Variants in ANGPT1 observed in about 807,000 individuals in gnomAD.
ANGPT1 encodes angiopoietin 1.
In ANGPT1, 17 loss-of-function variants were observed where a neutral mutation model predicts 62.2. The observed-to-expected ratio is 0.27, with a 90% CI of 0.19 to 0.41. The LOEUF is 0.41. Ranked by LOEUF, ANGPT1 falls within the 10% of genes least tolerant of loss-of-function variation. The pLI is 1.00. For synonymous variants in ANGPT1, 199 were observed against 198.9 expected (o/e 1.00, Z 0.00); for missense variants, 478 against 594.9 (o/e 0.80, Z 2.04).
In ANGPT1 at chr8:107,456,078, C is replaced by CA. The variant is rs555084679; in HGVS notation, c.297+41183dup. 3.9e-5 allele frequency among the ~76,000 whole-genome samples: 6 copies of CA among 152,120 alleles called. 1 individual carries two copies. The highest frequency in any genetic ancestry group is 1.4e-4 in the African/African-American group (6 of 41,546). On this transcript the variant is annotated intron_variant, in intron 1 of 8. Coordinates refer to ENST00000517746, the MANE Select transcript of ANGPT1 (RefSeq NM_001146.5). ...GAGAGCAACATGATTGTATTAATAA[C>CA]AAAGTTTATTGTGTATTTCTTTCAA... is the stretch of plus-strand genomic sequence containing the variant.
chr8:107,481,781 T>C (rs1441900296), intron 1 of ANGPT1, among the ~76,000 whole-genome samples: 1 of 152,028 alleles, frequency 6.6e-6, no homozygotes, highest in Non-Finnish European at 1.5e-5. Flanking sequence ...GGAAGCCCCT[T>C]ATAAAACCAT....
Position 107,293,926 on chromosome 8 carries a change from TG to T in ANGPT1, c.1038+9del. Reference sequence around the variant, plus strand: ...AACACCAAAAAGCACCATAAATTCTTGCATCTTACCATTTTATATTCCTTCC... The same window carrying T: ...AACACCAAAAAGCACCATAAATTCTTCATCTTACCATTTTATATTCCTTCC... On this transcript the variant is annotated intron_variant, in intron 6 of 8. Coordinates refer to ENST00000517746, the MANE Select transcript of ANGPT1 (RefSeq NM_001146.5). 1.2e-6 allele frequency: 2 copies of T among 1,604,858 alleles called. No homozygotes were observed. Among genetic ancestry groups the T allele is most frequent in the East Asian group, 4.5e-5 (2 of 44,696 alleles).
At chr8:107,323,745 G>GT (rs766623447) in intron 3 of ANGPT1, among the ~76,000 whole-genome samples, 156 of 152,056 alleles carry the variant, frequency 1.0e-3, no homozygotes, top group African/African-American at 1.7e-3. Context: ...GTCAGGTACT[G>GT]TTTTTTTGTT....
chr8:107,396,678 G>A (rs1228131603), intron 1 of ANGPT1, among the ~76,000 whole-genome samples: 2 of 151,666 alleles, frequency 1.3e-5, no homozygotes. Flanking sequence ...GTGTCACCAT[G>A]CCTGGCTAAT....
At chr8:107,443,396 G>C (rs1811529094) in intron 1 of ANGPT1, among the ~76,000 whole-genome samples, 1 of 152,170 alleles carries the variant, frequency 6.6e-6, no homozygotes, top group Admixed American at 6.5e-5. Flanking sequence ...GCTAATGTTA[G>C]GAGATTGAGC....
rs144845261 is a variant in ANGPT1 at position 107,331,485 on chromosome 8, T to C, written c.575+4665A>G. 6.7e-3 allele frequency among the ~76,000 whole-genome samples: 1,014 copies of C among 152,306 alleles called. 12 individuals carry two copies. The highest frequency in any genetic ancestry group is 0.023 in the African/African-American group (976 of 41,582). The stretch of plus-strand genomic sequence containing the variant: ...AATAACTTGACAACTACATCAATTA[T>C]ACTTGAGGCCTCATCACATTGCAAA... On this transcript the variant is annotated intron_variant, in intron 3 of 8. Coordinates refer to ENST00000517746, the MANE Select transcript of ANGPT1 (RefSeq NM_001146.5).
chr8:107,260,920 A>C (rs1275263664), intron 8 of ANGPT1, among the ~76,000 whole-genome samples: 1 of 152,204 alleles, frequency 6.6e-6, no homozygotes, highest in Admixed American at 6.5e-5. Context: ...TGAGCAGTGA[A>C]GTTTTCTCAT....
intron 1 of ANGPT1, among the ~76,000 whole-genome samples, chr8:107,487,789 T>C (rs1812852587): frequency 6.6e-6 from 1 of 152,232 alleles, no homozygotes; most frequent in Non-Finnish European, 1.5e-5. Flanking sequence ...GTTCTTGAGA[T>C]TTCTATTCTT....
At chr8:107,477,706 C>T (rs1344029974) in intron 1 of ANGPT1, among the ~76,000 whole-genome samples, 1 of 152,026 alleles carries the variant, frequency 6.6e-6, no homozygotes, top group African/African-American at 2.4e-5. Flanking sequence ...ATTTTATATT[C>T]TATAAAACTA....
intron 1 of ANGPT1, among the ~76,000 whole-genome samples, chr8:107,451,316 G>GACAC (rs138970014): frequency 0.095 from 14,125 of 148,526 alleles, 1,700 homozygotes; most frequent in African/African-American, 0.28. Flanking sequence ...ATACATAACA[G>GACAC]ACACACACAC....
At chr8:107,387,024 C>A (rs1273849366) in intron 1 of ANGPT1, among the ~76,000 whole-genome samples, 1 of 152,002 alleles carries the variant, frequency 6.6e-6, no homozygotes, top group Non-Finnish European at 1.5e-5. Context: ...AATGATATTC[C>A]TTTAATAATT....
chr8:107,368,349 A>G (rs915041353), intron 1 of ANGPT1, among the ~76,000 whole-genome samples: 1 of 152,150 alleles, frequency 6.6e-6, no homozygotes, highest in African/African-American at 2.4e-5. Flanking sequence ...CTGTAAACAG[A>G]TGTGCTGTCA....
At chr8:107,493,957 T>A (rs1185868555) in intron 1 of ANGPT1, among the ~76,000 whole-genome samples, 1 of 150,536 alleles carries the variant, frequency 6.6e-6, no homozygotes, top group Non-Finnish European at 1.5e-5. Flanking sequence ...GAAAAACAGC[T>A]AAATAGTCCA....
intron 6 of ANGPT1, among the ~76,000 whole-genome samples, chr8:107,288,281 C>G (rs1467226486): frequency 6.6e-6 from 1 of 152,094 alleles, no homozygotes; most frequent in African/African-American, 2.4e-5. Flanking sequence ...AATGAAAGCA[C>G]AGACTACTTT....
intron 3 of ANGPT1, among the ~76,000 whole-genome samples, chr8:107,331,910 C>T (rs751618564): frequency 2.6e-5 from 4 of 152,118 alleles, no homozygotes; most frequent in Middle Eastern, 3.2e-3. Context: ...ATTTCCCTTC[C>T]TGTATACCCT....
chr8:107,297,867 A>G (rs1159815963), intron 5 of ANGPT1, among the ~76,000 whole-genome samples: 1 of 151,656 alleles, frequency 6.6e-6, no homozygotes, highest in East Asian at 1.9e-4. Flanking sequence ...AAAAAAAAAT[A>G]AAAGCCTATG....
intron 5 of ANGPT1, among the ~76,000 whole-genome samples, chr8:107,300,024 G>GA (rs1814543655): frequency 1.4e-5 from 2 of 138,970 alleles, no homozygotes; most frequent in Non-Finnish European, 3.1e-5. Context: ...TAGATATGTA[G>GA]TTATATCTAG....
At chr8:107,443,684 T>C (rs912377729) in intron 1 of ANGPT1, among the ~76,000 whole-genome samples, 3 of 149,194 alleles carry the variant, frequency 2.0e-5, no homozygotes, top group African/African-American at 7.4e-5. Context: ...CCAGGTGTGG[T>C]GGCGCATGGC....
chr8:107,418,293 T>C (rs1194947485), intron 1 of ANGPT1, among the ~76,000 whole-genome samples: 1 of 152,184 alleles, frequency 6.6e-6, no homozygotes, highest in East Asian at 1.9e-4. Context: ...TGTATTTAGC[T>C]GAGTACGATA....
Sources: allele counts gnomAD v4.1 joint callset (sites outside exome capture counted in the v4.1 genomes callset), GRCh38; gene constraint gnomAD v4.1.1; transcripts MANE v1.5; gene names NCBI Gene and HGNC (gene_info 2026-07-23, HGNC 2026-07-21).